SUDS3: variants seen among roughly 807,000 people sequenced by gnomAD.
SUDS3 encodes the protein SIN3A corepressor complex component SDS3, also known as sin3 histone deacetylase corepressor complex component SDS3.
In SUDS3, 23 loss-of-function variants were observed where a neutral mutation model predicts 53.5. The observed-to-expected ratio is 0.43, with a 90% CI of 0.31 to 0.61. SUDS3 has a LOEUF of 0.61. Ranked by LOEUF, SUDS3 falls within the 20% of genes least tolerant of loss-of-function variation. The pLI, the probability that SUDS3 is intolerant of heterozygous loss-of-function variation, is 0.10. For synonymous variants in SUDS3, 150 were observed against 148.5 expected (o/e 1.01, Z -0.08); for missense variants, 291 against 405.9 (o/e 0.72, Z 2.43).
chr12:118,391,321 A>AG, intron 6 of SUDS3, 39 bp downstream of exon 6: 2 of 1,568,604 alleles, frequency 1.3e-6, no homozygotes, highest in Non-Finnish European at 1.7e-6. Context: ...GGGGGCCCTG[A>AG]GCGGGGGGGT....
At chr12:118,403,321 A>G in intron 9 of SUDS3, 91 bp from the exon 10 acceptor site, 1 of 982,380 alleles carries the variant, frequency 1.0e-6, no homozygotes, top group Non-Finnish European at 1.6e-6. Context: ...TTATTACCAC[A>G]TTCTGATAGT....
intron 7 of SUDS3, among the ~76,000 whole-genome samples, chr12:118,401,068 T>G (rs1194496713): frequency 6.6e-6 from 1 of 152,178 alleles, no homozygotes; most frequent in Non-Finnish European, 1.5e-5. Flanking sequence ...TGTGCCTTAA[T>G]TTTTTCACCT....
intron 6 of SUDS3, among the ~76,000 whole-genome samples, chr12:118,398,744 T>G (rs2046238409): frequency 6.6e-6 from 1 of 151,618 alleles, no homozygotes. Flanking sequence ...AATCACAAAT[T>G]AACTTCCTCC....
At position 118,403,422 on chromosome 12, in the gene SUDS3, C is replaced by A. The variant is rs1430490957; in HGVS notation, c.708C>A (p.Ser236=). Reference sequence around the variant, plus strand: ...ATTGGTTTCCTCCAGCATCTCCATCCTCTCCTGAGCACTTGCCTGCAACAC... The same window carrying A: ...ATTGGTTTCCTCCAGCATCTCCATCATCTCCTGAGCACTTGCCTGCAACAC... ...LKSPKRPASP[S]SPEHLPATPA... is the part of the protein sequence containing the mutation. The change falls in exon 10 of 12, where the codon TCC becomes TCA. Residue 236 remains serine, a synonymous_variant. Coordinates refer to ENST00000543473, the MANE Select transcript of SUDS3 (RefSeq NM_022491.3). 1 of 1,613,432 alleles carries A rather than the reference C, an allele frequency of 6.2e-7. No individual in the cohort carries two copies. Among genetic ancestry groups the A allele is most frequent in the African/African-American group, 1.3e-5 (1 of 75,036 alleles).
chr12:118,394,448 G>C (rs780478799), intron 6 of SUDS3, among the ~76,000 whole-genome samples: 5 of 152,146 alleles, frequency 3.3e-5, no homozygotes, highest in Non-Finnish European at 5.9e-5. Context: ...GCCAGTGTCT[G>C]TCTCACTCCA....
Position 118,416,909 on chromosome 12 carries a change from G to A in SUDS3, c.*2476G>A, listed in dbSNP as rs2046405796. 6.6e-6 allele frequency: 1 copy of A among 152,226 alleles called. No individual in the cohort carries two copies. Among genetic ancestry groups the A allele is most frequent in the Non-Finnish European group, 1.5e-5 (1 of 68,058 alleles). The allele number at this position is 152,226 out of a possible 1,614,324, so 9.4% of individuals were successfully genotyped here. A position where few individuals can be genotyped will look rare whatever the true frequency, so the allele number is the denominator to read the frequency against. ...TTCCAAGTTTAAACTCTTTCCTGCA[G>A]GTGATTACTTTGAAAAAGGTTGGTC... On this transcript the variant is annotated 3_prime_UTR_variant, in exon 12 of 12. Coordinates refer to ENST00000543473, the MANE Select transcript of SUDS3 (RefSeq NM_022491.3).
chr12:118,383,556 G>T (rs2046087040), intron 2 of SUDS3, among the ~76,000 whole-genome samples: 1 of 152,176 alleles, frequency 6.6e-6, no homozygotes, highest in Admixed American at 6.5e-5. Context: ...AAGGTTTATT[G>T]ACTTAGTTCT....
chr12:118,391,383 G>A, intron 6 of SUDS3, 101 bp downstream of exon 6: 2 of 1,372,270 alleles, frequency 1.5e-6, no homozygotes, highest in Non-Finnish European at 2.0e-6. Context: ...GCAGAGCAAG[G>A]TGGAGAGTGG....
intron 4 of SUDS3, among the ~76,000 whole-genome samples, chr12:118,387,961 C>T (rs532767583): frequency 6.6e-6 from 1 of 152,336 alleles, no homozygotes; most frequent in Admixed American, 6.5e-5. Context: ...AGAGATGATC[C>T]ACCTGCTTTA....
chr12:118,398,651 A>C (rs918300961), intron 6 of SUDS3, among the ~76,000 whole-genome samples: 1 of 135,500 alleles, frequency 7.4e-6, no homozygotes, highest in Non-Finnish European at 1.5e-5. Flanking sequence ...TCTGTGGCAC[A>C]TGTATGACAT....
chr12:118,410,585 TTTATTTA>T (rs1302853840), intron 10 of SUDS3, among the ~76,000 whole-genome samples: 1 of 144,378 alleles, frequency 6.9e-6, no homozygotes, highest in Non-Finnish European at 1.5e-5. Context: ...ATTTATTTTA[TTTATTTA>T]TTTATTTATT....
chr12:118,384,108 T>C, intron 3 of SUDS3, 41 bp downstream of exon 3: 1 of 1,586,102 alleles, frequency 6.3e-7, no homozygotes, highest in South Asian at 1.1e-5. Context: ...AATATGCTTC[T>C]TAATATTACA....
intron 10 of SUDS3, 65 bp from the exon 11 acceptor site, chr12:118,411,008 T>C: frequency 7.5e-7 from 1 of 1,330,614 alleles, no homozygotes; most frequent in Non-Finnish European, 1.1e-6. Flanking sequence ...GTTTTTGTTT[T>C]GTTTGGTTTT....
chr12:118,403,397 A>G lies in SUDS3; in HGVS notation c.698-15A>G. 6.2e-7 allele frequency: 1 copy of G among 1,605,278 alleles called. No individual in the cohort carries two copies. Among genetic ancestry groups the G allele is most frequent in the Non-Finnish European group, 8.5e-7 (1 of 1,173,524 alleles). On this transcript the variant is annotated splice_polypyrimidine_tract_variant and intron_variant, in intron 9 of 11. Transcript: ENST00000543473. Reference sequence around the variant, plus strand: ...TTGTTACATTCTTAGTCACGTAAGTATTGGTTTCCTCCAGCATCTCCATCC... The same window carrying G: ...TTGTTACATTCTTAGTCACGTAAGTGTTGGTTTCCTCCAGCATCTCCATCC...
chr12:118,406,550 A>G (rs1450393032), intron 10 of SUDS3, among the ~76,000 whole-genome samples: 3 of 152,178 alleles, frequency 2.0e-5, no homozygotes, highest in Admixed American at 1.3e-4. Flanking sequence ...TAGAGGTTCA[A>G]AGCTTTAAGA....
chr12:118,380,205 A>T lies in SUDS3; in HGVS notation c.186A>T (p.Glu62Asp). 1 of 1,608,962 alleles carries T rather than the reference A, an allele frequency of 6.2e-7. No individual in the cohort carries two copies. The highest frequency in any genetic ancestry group is 8.5e-7 in the Non-Finnish European group (1 of 1,177,700). ...ASETDLAKHD[E>D]EDYVEMKEQM... The stretch of plus-strand genomic sequence containing the variant: ...AAACTGACCTGGCAAAGCATGATGA[A>T]GAAGACTATGTAGAAATGAAGGAAC... Residue 62 changes from glutamate (E) to aspartate (D), a missense_variant, in exon 2 of 12, where the codon GAA becomes GAT. Around this residue, in one of 4 missense-constraint regions of SUDS3, gnomAD observed 149 missense variants for 146.5 expected, o/e 1.02. Transcript: ENST00000543473.
chr12:118,408,924 T>C (rs1409969112), intron 10 of SUDS3, among the ~76,000 whole-genome samples: 2 of 152,178 alleles, frequency 1.3e-5, no homozygotes, highest in Non-Finnish European at 2.9e-5. Context: ...AAGACATGAC[T>C]GTTTACATAG....
intron 10 of SUDS3, among the ~76,000 whole-genome samples, chr12:118,409,914 A>G (rs1181105148): frequency 6.6e-6 from 1 of 152,232 alleles, no homozygotes; most frequent in African/African-American, 2.4e-5. Flanking sequence ...CTGAACTTGT[A>G]GAAATAAGAA....
intron 1 of SUDS3, among the ~76,000 whole-genome samples, chr12:118,378,404 T>C (rs1467202704): frequency 6.6e-6 from 1 of 152,192 alleles, no homozygotes; most frequent in Non-Finnish European, 1.5e-5. Context: ...GTGCAGACTT[T>C]TTTTTTGTTA....
Sources: allele counts gnomAD v4.1 joint callset (sites outside exome capture counted in the v4.1 genomes callset), GRCh38; gene constraint gnomAD v4.1.1; regional missense constraint gnomAD v4.1.1; transcripts MANE v1.5; gene names NCBI Gene and HGNC (gene_info 2026-07-23, HGNC 2026-07-21).